The following DMD variants were observed in gnomAD, a reference collection of about 807,000 sequenced individuals.
DMD encodes the protein mutant dystrophin.
A neutral mutation model predicts 330.1 loss-of-function variants in DMD; 63 were observed. The ratio of observed to expected loss-of-function variants is 0.19; its 90% CI spans 0.16 to 0.24. DMD has a LOEUF of 0.24. DMD is among the 10% of genes least tolerant of loss of function. The pLI is 1.00. For missense variants in DMD, 3,344 were observed against 2,684.1 expected (o/e 1.25, Z -5.43); for synonymous variants, 1,223 against 959.8 (o/e 1.27, Z -5.07).
intron 12 of DMD, among the ~76,000 whole-genome samples, chrX:32,607,610 A>G (rs1221177436): frequency 9.1e-6 from 1 of 110,137 alleles, no homozygotes; most frequent in Non-Finnish European, 1.9e-5. Flanking sequence ...ATTCTTCAGA[A>G]AAAGTATCAT....
chrX:32,342,311 G>A (rs185258951), intron 40 of DMD, 29 bp from the exon 41 acceptor site: 1 of 1,203,458 alleles, frequency 8.3e-7, no homozygotes, highest in African/African-American at 1.8e-5. Context: ...ACAGGGCCCA[G>A]GGCAGTTAGC....
chrX:32,866,529 T>C (rs534863457), intron 2 of DMD, among the ~76,000 whole-genome samples: 3 of 110,955 alleles, frequency 2.7e-5, no homozygotes, highest in African/African-American at 9.8e-5. Flanking sequence ...ACTGCTGAAA[T>C]TGAATATGGG....
At chrX:32,866,886 A>G (rs962920941) in intron 2 of DMD, among the ~76,000 whole-genome samples, 2 of 110,338 alleles carry the variant, frequency 1.8e-5, no homozygotes, top group Non-Finnish European at 3.8e-5. Flanking sequence ...GGCGCATGCC[A>G]CCACGCCCAG....
chrX:31,648,617 C>CAAAAAAAAAAAAAAAAAAAAA (rs548846514), intron 54 of DMD, among the ~76,000 whole-genome samples: 1 of 18,986 alleles, frequency 5.3e-5, no homozygotes, highest in Admixed American at 9.2e-4. Flanking sequence ...AAGGGAGCTG[C>CAAAAAAAAAAAAAAAAAAAAA]AAAAAAAAAA....
At chrX:32,815,072 C>G (rs2077625453) in intron 6 of DMD, among the ~76,000 whole-genome samples, 1 of 110,909 alleles carries the variant, frequency 9.0e-6, no homozygotes, top group Non-Finnish European at 1.9e-5. Flanking sequence ...TGTGTTAACG[C>G]TGCTTAACGT....
chrX:31,562,445 C>T (rs2075249391), intron 55 of DMD, among the ~76,000 whole-genome samples: 1 of 112,042 alleles, frequency 8.9e-6, no homozygotes, highest in Admixed American at 9.4e-5. Context: ...TCTGAGAGTG[C>T]TCTCTTCCAT....
intron 9 of DMD, among the ~76,000 whole-genome samples, chrX:32,689,335 G>C (rs1046818996): frequency 9.1e-5 from 10 of 110,397 alleles, no homozygotes; most frequent in African/African-American, 3.3e-4. Flanking sequence ...TAAATTCCTA[G>C]AAACATAAAA....
chrX:31,251,471 T>G (rs1190677404), intron 63 of DMD, among the ~76,000 whole-genome samples: 2 of 112,289 alleles, frequency 1.8e-5, no homozygotes, highest in Non-Finnish European at 3.8e-5. Context: ...CCTGGAGTTA[T>G]GCAAGCGATG....
At chrX:31,232,201 A>AT (rs1418837103) in intron 63 of DMD, among the ~76,000 whole-genome samples, 1 of 109,618 alleles carries the variant, frequency 9.1e-6, no homozygotes, top group African/African-American at 3.3e-5. Context: ...GTGGGCACAG[A>AT]TAAGGCCTGA....
At chrX:31,659,238 T>C (rs2080968269) in intron 53 of DMD, among the ~76,000 whole-genome samples, 1 of 111,861 alleles carries the variant, frequency 8.9e-6, no homozygotes, top group Non-Finnish European at 1.9e-5. Context: ...CAAATGCTTA[T>C]TCCCATTGAC....
At chrX:32,527,228 C>T (rs971129705) in intron 17 of DMD, among the ~76,000 whole-genome samples, 1 of 111,828 alleles carries the variant, frequency 8.9e-6, no homozygotes, top group Non-Finnish European at 1.9e-5. Flanking sequence ...TTTTAATTAG[C>T]TAGGAAGCAA....
chrX:32,529,245 T>G (rs997594942), intron 17 of DMD, among the ~76,000 whole-genome samples: 6 of 108,714 alleles, frequency 5.5e-5, no homozygotes, highest in African/African-American at 2.0e-4. Flanking sequence ...ATTTCTTAAA[T>G]GTACTTGATT....
Position 32,365,001 on chromosome X carries a change from T to A in DMD, c.5025+19A>T, listed in dbSNP as rs368123206. On this transcript the variant is annotated intron_variant, in intron 35 of 78. Coordinates refer to ENST00000357033, the MANE Select transcript of DMD (RefSeq NM_004006.3). Reference sequence around the variant, plus strand: ...TCGTGACAGAGAAGGGTGTAAAAGCTTCTAGCCTTTTCTCTTACCAACAAA... The same window carrying A: ...TCGTGACAGAGAAGGGTGTAAAAGCATCTAGCCTTTTCTCTTACCAACAAA... The A allele has an allele frequency of 2.7e-5, 32 of 1,206,121 alleles. No homozygotes were observed. Among genetic ancestry groups the A allele is most frequent in the Non-Finnish European group, 3.4e-5 (30 of 892,127 alleles).
At chrX:32,034,220 TAA>T (rs1205400685) in intron 44 of DMD, among the ~76,000 whole-genome samples, 3 of 111,959 alleles carry the variant, frequency 2.7e-5, no homozygotes, top group Non-Finnish European at 3.8e-5. Flanking sequence ...GCAATATAAT[TAA>T]GTTTCTAACT....
At chrX:31,244,005 G>A (rs999780653) in intron 63 of DMD, among the ~76,000 whole-genome samples, 1 of 112,507 alleles carries the variant, frequency 8.9e-6, no homozygotes, top group Non-Finnish European at 1.9e-5. Flanking sequence ...CAAGAACCTT[G>A]AAAAGAACAT....
intron 55 of DMD, among the ~76,000 whole-genome samples, chrX:31,512,564 T>G (rs1392123378): frequency 9.4e-6 from 1 of 105,933 alleles, no homozygotes; most frequent in African/African-American, 3.5e-5. Context: ...GCTAGCCAGT[T>G]TTCCCAGCAC....
rs759192349 is a variant in DMD at position 31,548,315 on chromosome X, G to A, written c.8218-40862C>T. On this transcript the variant is annotated intron_variant, in intron 55 of 78. Coordinates refer to ENST00000357033, the MANE Select transcript of DMD (RefSeq NM_004006.3). ...TCTCTGTGGTGGGATCCAGACAACT[G>A]CATTTTCATAAGCTTGCCAGGTCAT... Among the ~76,000 whole-genome samples the A allele has an allele frequency of 3.6e-5, 4 of 111,422 alleles. No individual in the cohort carries two copies. The South Asian group carries it at 1.5e-3, about 42-fold the overall frequency.
intron 1 of DMD, among the ~76,000 whole-genome samples, chrX:33,249,230 G>A (rs1255352097): frequency 3.6e-5 from 4 of 111,621 alleles, no homozygotes; most frequent in African/African-American, 6.5e-5. Context: ...GGCTCATTGC[G>A]ACCTCCACCT....
chrX:31,262,888 G>C (rs1469060274), intron 62 of DMD, among the ~76,000 whole-genome samples: 4 of 112,755 alleles, frequency 3.5e-5, no homozygotes, highest in Non-Finnish European at 7.5e-5. Context: ...CTCGGAAAGT[G>C]AGTGTATACC....
Sources: gnomAD v4.1 joint callset for allele counts (sites outside exome capture counted in the v4.1 genomes callset) on GRCh38, gnomAD v4.1.1 for gene constraint, MANE v1.5 for transcripts, NCBI Gene and HGNC (gene_info 2026-07-23, HGNC 2026-07-21) for gene names.